The following PTGER3 variants were observed in gnomAD, a reference collection of about 807,000 sequenced individuals.
PTGER3 encodes the protein prostaglandin E2 receptor EP3 subtype.
PTGER3 carries 22 observed loss-of-function variants against 34.7 expected under a neutral mutation model. The observed-to-expected ratio is 0.63, with a 90% CI of 0.45 to 0.91. The LOEUF is 0.91. PTGER3 is among the 40% of genes least tolerant of loss of function. The pLI, the probability that PTGER3 is intolerant of heterozygous loss-of-function variation, is 0.00. For missense variants in PTGER3, 468 were observed against 519.4 expected (o/e 0.90, Z 0.96); for synonymous variants, 241 against 230.1 (o/e 1.05, Z -0.43).
intron 4 of PTGER3, among the ~76,000 whole-genome samples, chr1:70,931,273 C>G (rs1020095408): frequency 2.6e-5 from 4 of 152,174 alleles, no homozygotes; most frequent in Admixed American, 1.3e-4. Flanking sequence ...AGGGTACAGC[C>G]CCCCTTCTGG....
chr1:70,855,982 G>C (rs1007020730), intron 4 of PTGER3, among the ~76,000 whole-genome samples: 1 of 152,044 alleles, frequency 6.6e-6, no homozygotes, highest in Non-Finnish European at 1.5e-5. Flanking sequence ...AAAGGACAAG[G>C]ATTTTCACGG....
chr1:70,877,015 A>G (rs1646286723), intron 4 of PTGER3, among the ~76,000 whole-genome samples: 1 of 152,134 alleles, frequency 6.6e-6, no homozygotes, highest in East Asian at 1.9e-4. Context: ...GTTTGATAGA[A>G]ATTGCATTGA....
chr1:70,895,097 C>G (rs1217791775), intron 4 of PTGER3, among the ~76,000 whole-genome samples: 3 of 152,146 alleles, frequency 2.0e-5, no homozygotes, highest in Non-Finnish European at 2.9e-5. Flanking sequence ...ATTGACATCT[C>G]AATACTGAGT....
At chr1:71,019,959 C>T (rs1247691274) in intron 1 of PTGER3, among the ~76,000 whole-genome samples, 3 of 152,166 alleles carry the variant, frequency 2.0e-5, no homozygotes, top group Non-Finnish European at 4.4e-5. Context: ...TTCCGTAATT[C>T]TCTGTTGTTA....
intron 2 of PTGER3, among the ~76,000 whole-genome samples, chr1:70,957,526 A>G (rs1225003684): frequency 6.6e-6 from 1 of 152,186 alleles, no homozygotes; most frequent in Non-Finnish European, 1.5e-5. Flanking sequence ...CAGAAATCTG[A>G]CCACTTTTGA....
intron 4 of PTGER3, among the ~76,000 whole-genome samples, chr1:70,916,145 A>G (rs1055759105): frequency 6.6e-6 from 1 of 152,068 alleles, no homozygotes; most frequent in Admixed American, 6.6e-5. Flanking sequence ...GCTTACCACC[A>G]CTAATCATCA....
chr1:70,918,611 G>A (rs1224360851), intron 4 of PTGER3, among the ~76,000 whole-genome samples: 1 of 151,936 alleles, frequency 6.6e-6, no homozygotes, highest in Admixed American at 6.6e-5. Flanking sequence ...ATCCAGACCT[G>A]GTTATCCTTC....
chr1:70,967,429 A>G (rs956603117), downstream of PTGER3, among the ~76,000 whole-genome samples: 9 of 152,212 alleles, frequency 5.9e-5, no homozygotes, highest in African/African-American at 2.2e-4. Context: ...ATAAAAATAC[A>G]GAAGTTTTTA....
intron 1 of PTGER3, among the ~76,000 whole-genome samples, chr1:71,014,182 CTT>C (rs953590993): frequency 7.2e-5 from 11 of 152,038 alleles, no homozygotes; most frequent in African/African-American, 2.2e-4. Context: ...ATCTCTCTCT[CTT>C]GAGGCTTACA....
At position 70,900,675 on chromosome 1, in the gene PTGER3, C is replaced by A. The variant is rs578040774; in HGVS notation, c.*24-47816G>T. On this transcript the variant is annotated intron_variant, in intron 4 of 4. Transcript: ENST00000370931. ...TGGCACGTCATTAAGACAGGTATGG[C>A]CTTTCAGCTCTATATTTCATTTTGA... Among the ~76,000 whole-genome samples the A allele has an allele frequency of 8.4e-4, 128 of 152,126 alleles. 1 individual carries two copies. Among genetic ancestry groups the A allele is most frequent in the South Asian group, 7.9e-3 (38 of 4,802 alleles).
chr1:70,922,886 A>G (rs1302923526), intron 4 of PTGER3, among the ~76,000 whole-genome samples: 1 of 152,208 alleles, frequency 6.6e-6, no homozygotes, highest in Non-Finnish European at 1.5e-5. Context: ...CTGTGTGTGA[A>G]CACACTGGCT....
exon 5 of PTGER3, chr1:70,852,713 G>A: frequency 8.9e-7 from 1 of 1,126,854 alleles, no homozygotes; most frequent in Non-Finnish European, 1.3e-6. Context: ...TATATTTGGG[G>A]GTGGGCTTGG....
At chr1:71,016,870 G>T (rs1389829049) in intron 1 of PTGER3, among the ~76,000 whole-genome samples, 1 of 151,758 alleles carries the variant, frequency 6.6e-6, no homozygotes, top group East Asian at 1.9e-4. Flanking sequence ...TTTATTTAAA[G>T]AAAGCAGATG....
At chr1:70,925,967 A>G (rs1020951192) in intron 4 of PTGER3, among the ~76,000 whole-genome samples, 24 of 152,208 alleles carry the variant, frequency 1.6e-4, no homozygotes, top group African/African-American at 5.3e-4. Context: ...TTGAACCACA[A>G]TGTATCCCCT....
chr1:70,931,703 A>C (rs1648715629), intron 4 of PTGER3, among the ~76,000 whole-genome samples: 2 of 152,148 alleles, frequency 1.3e-5, no homozygotes, highest in African/African-American at 4.8e-5. Flanking sequence ...AACAGCTTGG[A>C]TGCAGAGCAC....
chr1:70,870,350 A>G (rs1189724361), intron 4 of PTGER3, among the ~76,000 whole-genome samples: 1 of 152,152 alleles, frequency 6.6e-6, no homozygotes, highest in Non-Finnish European at 1.5e-5. Flanking sequence ...TGATCCTGTG[A>G]TGGGCTGTCT....
intron 2 of PTGER3, among the ~76,000 whole-genome samples, chr1:70,979,316 A>G (rs77047153): frequency 1.3e-5 from 2 of 151,956 alleles, no homozygotes; most frequent in African/African-American, 2.4e-5. Flanking sequence ...AAAAAAAAAA[A>G]GCTGAGTGAA....
chr1:71,040,450 T>A (rs1416117013), intron 1 of PTGER3, among the ~76,000 whole-genome samples: 1 of 149,784 alleles, frequency 6.7e-6, no homozygotes, highest in East Asian at 2.0e-4. Context: ...AAAAAAAAAA[T>A]ACAAAAATTA....
At chr1:70,997,133 T>G (rs7534885) in intron 2 of PTGER3, 34,673 of 151,980 alleles carry the variant, frequency 0.23, 4,463 homozygotes, top group East Asian at 0.44. Context: ...TTAGCTGAGC[T>G]TGGTGGTGCA....
Sources: gnomAD v4.1 joint callset for allele counts (sites outside exome capture counted in the v4.1 genomes callset) on GRCh38, gnomAD v4.1.1 for gene constraint, MANE v1.5 for transcripts, NCBI Gene and HGNC (gene_info 2026-07-23, HGNC 2026-07-21) for gene names.